The following TMEM132D variants were observed in gnomAD, a reference collection of about 807,000 sequenced individuals.
The protein encoded by TMEM132D is transmembrane protein 132D.
Under a neutral mutation model 62.3 loss-of-function variants are expected in TMEM132D, and 21 were observed. The ratio of observed to expected loss-of-function variants is 0.34; its 90% CI spans 0.24 to 0.49. The LOEUF (loss-of-function observed/expected upper bound fraction) is 0.49, where lower values mean the gene tolerates loss of function less well. Among genes scored for constraint, TMEM132D ranks in the 20% least tolerant of loss-of-function variants. TMEM132D has a pLI of 0.99. For synonymous variants in TMEM132D, 621 were observed against 575.6 expected (o/e 1.08, Z -1.13); for missense variants, 1,346 against 1,402.8 (o/e 0.96, Z 0.65).
intron 1 of TMEM132D, among the ~76,000 whole-genome samples, chr12:129,851,208 G>A (rs76358882): frequency 0.012 from 1,896 of 152,230 alleles, 41 homozygotes; most frequent in African/African-American, 0.042. Flanking sequence ...TCTAATTTGC[G>A]TATACAGCTA....
At chr12:129,573,644 A>G (rs893099106) in intron 2 of TMEM132D, among the ~76,000 whole-genome samples, 2 of 151,512 alleles carry the variant, frequency 1.3e-5, no homozygotes, top group African/African-American at 4.9e-5. Context: ...TTCTTTGTTC[A>G]AATATTCATA....
chr12:129,390,797 G>A (rs1871270958), intron 3 of TMEM132D, among the ~76,000 whole-genome samples: 1 of 152,150 alleles, frequency 6.6e-6, no homozygotes, highest in Non-Finnish European at 1.5e-5. Flanking sequence ...ATGGAGAGGA[G>A]GCCTCAGGAG....
intron 2 of TMEM132D, among the ~76,000 whole-genome samples, chr12:129,633,145 C>A (rs575466270): frequency 6.6e-6 from 1 of 152,302 alleles, no homozygotes; most frequent in South Asian, 2.1e-4. Flanking sequence ...ACAGACAAAG[C>A]AAAATTCATG....
chr12:129,647,243 G>GT (rs57450911), intron 2 of TMEM132D, among the ~76,000 whole-genome samples: 27,728 of 117,466 alleles, frequency 0.24, 3,656 homozygotes, highest in Admixed American at 0.29. Flanking sequence ...TTGTTTTTCT[G>GT]TTTTTTTTTT....
rs74384183 is a variant in TMEM132D, at chr12:129,584,828, G to A, written c.969-53623C>T. ...ATCATACATAATGAAATTACCGATG[G>A]AAAGAAAGAACGGCTCCACATGTGT... On this transcript the variant is annotated intron_variant, in intron 2 of 8. Transcript: ENST00000422113. Among the ~76,000 whole-genome samples, 371 of 152,192 alleles carry A rather than the reference G, an allele frequency of 2.4e-3. 2 individuals carry two copies. Among genetic ancestry groups the A allele is most frequent in the Non-Finnish European group, 4.0e-3 (269 of 68,006 alleles).
At chr12:129,185,489 A>G (rs1462668365) in intron 5 of TMEM132D, among the ~76,000 whole-genome samples, 1 of 152,160 alleles carries the variant, frequency 6.6e-6, no homozygotes, top group African/African-American at 2.4e-5. Flanking sequence ...GTTGTTTACA[A>G]AGTCATCAAC....
chr12:129,207,508 A>G (rs1302198311), intron 5 of TMEM132D, among the ~76,000 whole-genome samples: 4 of 152,146 alleles, frequency 2.6e-5, no homozygotes, highest in Admixed American at 6.5e-5. Context: ...TGCTCAGAAA[A>G]GGCCTTGGGG....
chr12:129,654,299 T>TGA (rs1433692857), intron 2 of TMEM132D, among the ~76,000 whole-genome samples: 3 of 37,034 alleles, frequency 8.1e-5, no homozygotes, highest in Non-Finnish European at 2.4e-4. Flanking sequence ...TGTGTGTGAG[T>TGA]GTGTGTGTGT....
At chr12:129,823,673 G>A (rs1404511238) in intron 1 of TMEM132D, among the ~76,000 whole-genome samples, 1 of 152,246 alleles carries the variant, frequency 6.6e-6, no homozygotes, top group Non-Finnish European at 1.5e-5. Context: ...GAATTCAGCT[G>A]TAGGAAGAAT....
chr12:129,363,794 T>G (rs998497592), intron 3 of TMEM132D, among the ~76,000 whole-genome samples: 4 of 152,210 alleles, frequency 2.6e-5, no homozygotes, highest in African/African-American at 9.6e-5. Flanking sequence ...TGTCAATACA[T>G]TCAGTTAAGC....
At chr12:129,469,250 T>C (rs1874019884) in intron 3 of TMEM132D, among the ~76,000 whole-genome samples, 1 of 152,178 alleles carries the variant, frequency 6.6e-6, no homozygotes, top group East Asian at 1.9e-4. Flanking sequence ...ATGAAAAGTG[T>C]CTTCCATTTT....
rs142653578 is a variant in TMEM132D, at chr12:129,260,931, G to T, written c.1300-51268C>A. Among the ~76,000 whole-genome samples the T allele has an allele frequency of 5.9e-5, 9 of 152,300 alleles. No individual in the cohort carries two copies. The East Asian group carries it at 1.7e-3, about 29-fold the overall frequency. ...ACTTGGTTGCTGGGCACTGAGGTTA[G>T]TTCCATATCTTTGCAATTGCAAAAT... On this transcript the variant is annotated intron_variant, in intron 4 of 8. Transcript: ENST00000422113.
intron 1 of TMEM132D, among the ~76,000 whole-genome samples, chr12:129,724,580 T>G (rs1463172563): frequency 1.3e-5 from 2 of 152,200 alleles, no homozygotes; most frequent in African/African-American, 4.8e-5. Context: ...TGGAGTACAG[T>G]GGCGTGATCT....
intron 4 of TMEM132D, among the ~76,000 whole-genome samples, chr12:129,228,515 C>A (rs564755482): frequency 1.2e-4 from 19 of 152,228 alleles, no homozygotes; most frequent in Admixed American, 5.9e-4. Context: ...TTCCCCACCC[C>A]TCACTACCAC....
At chr12:129,231,714 C>T (rs1336497677) in intron 4 of TMEM132D, among the ~76,000 whole-genome samples, 3 of 152,152 alleles carry the variant, frequency 2.0e-5, no homozygotes, top group Non-Finnish European at 4.4e-5. Flanking sequence ...TGGGTTCAAT[C>T]CCCACCGGGC....
chr12:129,886,014 A>G (rs930088666), intron 1 of TMEM132D, among the ~76,000 whole-genome samples: 6 of 152,208 alleles, frequency 3.9e-5, no homozygotes, highest in African/African-American at 1.4e-4. Context: ...ATGGTTATAT[A>G]TTGAACTTAA....
chr12:129,487,494 G>A (rs555508924), intron 3 of TMEM132D, among the ~76,000 whole-genome samples: 8 of 152,252 alleles, frequency 5.3e-5, no homozygotes, highest in South Asian at 2.1e-4. Context: ...GCATTCCCAC[G>A]CTTTGCTAGG....
At chr12:129,623,685 A>ACATATATACATATATATACATACATATG (rs1879134716) in intron 2 of TMEM132D, among the ~76,000 whole-genome samples, 1 of 138,078 alleles carries the variant, frequency 7.2e-6, no homozygotes, top group Admixed American at 7.4e-5. Context: ...ACATATATAT[A>ACATATATACATATATATACATACATATG]CATATATACA....
At chr12:129,633,980 A>G (rs185688597) in intron 2 of TMEM132D, among the ~76,000 whole-genome samples, 2 of 152,260 alleles carry the variant, frequency 1.3e-5, no homozygotes, top group Admixed American at 6.5e-5. Context: ...TTCTCCCCCA[A>G]CATATATCTC....
Sources: gnomAD v4.1 joint callset for allele counts (sites outside exome capture counted in the v4.1 genomes callset) on GRCh38, gnomAD v4.1.1 for gene constraint, MANE v1.5 for transcripts, NCBI Gene and HGNC (gene_info 2026-07-23, HGNC 2026-07-21) for gene names.